The following SLC17A1 variants were observed in gnomAD, a reference collection of about 807,000 sequenced individuals.
SLC17A1 encodes solute carrier family 17 member 1.
A neutral mutation model predicts 53.5 loss-of-function variants in SLC17A1; 51 were observed. That is an observed-to-expected ratio of 0.95 (90% CI 0.76 to 1.20). SLC17A1 has a LOEUF of 1.20. Among genes scored for constraint, SLC17A1 ranks in the 50% most tolerant of loss-of-function variants. The probability of loss-of-function intolerance (pLI) is 0.00; values close to 1 mark genes in which losing one functional copy is unlikely to be tolerated. For synonymous variants in SLC17A1, 179 were observed against 198.8 expected (o/e 0.90, Z 0.84); for missense variants, 538 against 568.2 (o/e 0.95, Z 0.54).
Position 25,830,596 on chromosome 6 carries a change from T to C in SLC17A1, c.-39A>G. ...TGCTTCTCTTCTTGCTGAAGGGTTT[T>C]GCCTCCACCCACTGTGAGTGCAAAA... On this transcript the variant is annotated 5_prime_UTR_variant, in exon 2 of 13. Transcript: ENST00000244527. 6.2e-7 allele frequency: 1 copy of C among 1,613,454 alleles called. No homozygotes were observed. The highest frequency in any genetic ancestry group is 1.1e-5 in the South Asian group (1 of 91,004).
the SLC17A1 span, among the ~76,000 whole-genome samples, chr6:25,743,531 A>G: frequency 6.6e-6 from 1 of 152,238 alleles, no homozygotes; most frequent in African/African-American, 2.4e-5. Context: ...AAACTAGATG[A>G]AAGGAAAACA....
chr6:25,749,225 A>G, the SLC17A1 span, among the ~76,000 whole-genome samples: 4 of 152,348 alleles, frequency 2.6e-5, no homozygotes, highest in Non-Finnish European at 5.9e-5. Context: ...AGAATAGAGA[A>G]TGGCGATGAC....
chr6:25,757,185 C>T, the SLC17A1 span, among the ~76,000 whole-genome samples: 3 of 152,186 alleles, frequency 2.0e-5, no homozygotes, highest in African/African-American at 7.2e-5. Flanking sequence ...CTGTCAGTTG[C>T]TTACTTACCA....
At chr6:25,824,536 CAG>C (rs1303198581) in intron 3 of SLC17A1, among the ~76,000 whole-genome samples, 1 of 151,498 alleles carries the variant, frequency 6.6e-6, no homozygotes, top group Non-Finnish European at 1.5e-5. Flanking sequence ...AAATGAATAA[CAG>C]TAGTCACAGA....
At chr6:25,820,496 A>G (rs1764514982) in intron 3 of SLC17A1, among the ~76,000 whole-genome samples, 1 of 152,136 alleles carries the variant, frequency 6.6e-6, no homozygotes, top group African/African-American at 2.4e-5. Context: ...CTCTTCCTTC[A>G]CTTGGTTCTG....
the SLC17A1 span, among the ~76,000 whole-genome samples, chr6:25,725,583 TTAACA>T: frequency 6.6e-6 from 1 of 152,314 alleles, no homozygotes; most frequent in Admixed American, 6.5e-5. Context: ...TGTGTAACCC[TTAACA>T]TAACTAACAT....
At chr6:25,817,477 A>G (rs7753274) in intron 6 of SLC17A1, among the ~76,000 whole-genome samples, 12,154 of 152,228 alleles carry the variant, frequency 0.08, 929 homozygotes, top group African/African-American at 0.2. Context: ...GTGATAAGGA[A>G]AAAACATGTG....
the SLC17A1 span, among the ~76,000 whole-genome samples, chr6:25,724,271 A>T: frequency 2.6e-5 from 4 of 152,180 alleles, no homozygotes; most frequent in Admixed American, 2.6e-4. Flanking sequence ...TAACAATACA[A>T]AAGTTAGCTG....
the SLC17A1 span, chr6:25,732,670 C>A: frequency 5.9e-6 from 8 of 1,349,028 alleles, no homozygotes; most frequent in South Asian, 9.2e-5. Context: ...CCCGCATCAT[C>A]CCGCGCCACC....
chr6:25,831,017 A>G (rs1320346926), intron 1 of SLC17A1, among the ~76,000 whole-genome samples: 1 of 152,244 alleles, frequency 6.6e-6, no homozygotes, highest in Non-Finnish European at 1.5e-5. Flanking sequence ...ATGTCAGAAA[A>G]GGAGTAAGCA....
intron 2 of SLC17A1, among the ~76,000 whole-genome samples, chr6:25,827,470 A>C (rs1764791710): frequency 6.6e-6 from 1 of 152,190 alleles, no homozygotes; most frequent in Non-Finnish European, 1.5e-5. Flanking sequence ...AAGAAGCTAG[A>C]TACCAGACAG....
chr6:25,726,443 C>T, the SLC17A1 span: 1 of 1,614,018 alleles, frequency 6.2e-7, no homozygotes, highest in Non-Finnish European at 8.5e-7. Flanking sequence ...TGGATCCGGC[C>T]TACGGGAAAC....
chr6:25,799,975 CTT>C (rs1763706277), intron 11 of SLC17A1, among the ~76,000 whole-genome samples: 1 of 152,166 alleles, frequency 6.6e-6, no homozygotes, highest in East Asian at 1.9e-4. Context: ...GAAGACTCCT[CTT>C]TATGGGAAAT....
chr6:25,727,229 G>C, the SLC17A1 span: 1 of 1,613,912 alleles, frequency 6.2e-7, no homozygotes, highest in Non-Finnish European at 8.5e-7. Context: ...TGCCGGGAGA[G>C]CTGGCTAAAC....
At chr6:25,777,133 C>T in the SLC17A1 span, 4 of 710,464 alleles carry the variant, frequency 5.6e-6, no homozygotes, top group Admixed American at 6.4e-5. Flanking sequence ...AGCTGGTGGA[C>T]CATTGTGAAC....
intron 2 of SLC17A1, among the ~76,000 whole-genome samples, chr6:25,828,719 G>A (rs1404676577): frequency 1.3e-5 from 2 of 151,870 alleles, no homozygotes; most frequent in African/African-American, 2.4e-5. Context: ...TCATCTTACC[G>A]AATTGAATTT....
chr6:25,785,291 C>T (rs1388036966), intron 12 of SLC17A1, among the ~76,000 whole-genome samples: 2 of 152,056 alleles, frequency 1.3e-5, no homozygotes, highest in East Asian at 1.9e-4. Flanking sequence ...AATACTATTA[C>T]CTCACACTAT....
At chr6:25,735,314 G>C in the SLC17A1 span, among the ~76,000 whole-genome samples, 24 of 152,334 alleles carry the variant, frequency 1.6e-4, no homozygotes, top group African/African-American at 5.8e-4. Context: ...AATGGAGAAT[G>C]AGCAAGGACA....
chr6:25,788,199 A>C (rs1478705816), intron 12 of SLC17A1, among the ~76,000 whole-genome samples: 1 of 152,228 alleles, frequency 6.6e-6, no homozygotes, highest in Non-Finnish European at 1.5e-5. Context: ...TATATCTGAT[A>C]TCACCTTCAA....
Sources: gnomAD v4.1 joint callset for allele counts (sites outside exome capture counted in the v4.1 genomes callset) on GRCh38, gnomAD v4.1.1 for gene constraint, MANE v1.5 for transcripts, NCBI Gene and HGNC (gene_info 2026-07-23, HGNC 2026-07-21) for gene names.